MYO1E: variants seen among roughly 807,000 people sequenced by gnomAD.
The protein encoded by MYO1E is unconventional myosin-Ie.
In MYO1E, 68 loss-of-function variants were observed where a neutral mutation model predicts 151.1. The observed-to-expected ratio is 0.45, with a 90% CI of 0.37 to 0.55. The LOEUF (loss-of-function observed/expected upper bound fraction) is 0.55, where lower values mean the gene tolerates loss of function less well. Ranked by LOEUF, MYO1E falls within the 20% of genes least tolerant of loss-of-function variation. The pLI is 0.00. For missense variants in MYO1E, 1,363 were observed against 1,389.3 expected, an observed-to-expected ratio of 0.98 and a Z score of 0.30; for synonymous variants, 601 against 501.7, an observed-to-expected ratio of 1.20 and a Z score of -2.64.
At chr15:59,145,765 A>G (rs1028971356) in intron 26 of MYO1E, among the ~76,000 whole-genome samples, 11 of 152,234 alleles carry the variant, frequency 7.2e-5, no homozygotes, top group African/African-American at 2.7e-4. Context: ...ATACTATACA[A>G]TGGTGAGACT....
At chr15:59,363,095 C>T (rs1362490894) in intron 1 of MYO1E, among the ~76,000 whole-genome samples, 1 of 151,778 alleles carries the variant, frequency 6.6e-6, no homozygotes, top group Admixed American at 6.6e-5. Context: ...CCCACCTCAG[C>T]CTCCTGAGTA....
chr15:59,290,215 G>C (rs532672332), intron 1 of MYO1E, among the ~76,000 whole-genome samples: 1 of 152,154 alleles, frequency 6.6e-6, no homozygotes, highest in Non-Finnish European at 1.5e-5. Flanking sequence ...TTAAGGCTAC[G>C]GTAGAAGACA....
At chr15:59,183,573 T>G (rs1018666226) in intron 18 of MYO1E, among the ~76,000 whole-genome samples, 1 of 152,174 alleles carries the variant, frequency 6.6e-6, no homozygotes, top group East Asian at 1.9e-4. Flanking sequence ...TTTTTTTCTT[T>G]TTTACTTTTT....
intron 1 of MYO1E, among the ~76,000 whole-genome samples, chr15:59,311,278 T>C (rs2080549961): frequency 6.6e-6 from 1 of 151,950 alleles, no homozygotes; most frequent in South Asian, 2.1e-4. Flanking sequence ...CCGTTCCACC[T>C]CACATCATCA....
chr15:59,138,029 G>C (rs1176531483), intron 27 of MYO1E, among the ~76,000 whole-genome samples, 169 bp downstream of exon 27: 1 of 152,150 alleles, frequency 6.6e-6, no homozygotes, highest in Non-Finnish European at 1.5e-5. Context: ...GCTGAAAGAA[G>C]CATTAAAAAA....
At chr15:59,148,919 C>G (rs1288275805) in intron 26 of MYO1E, among the ~76,000 whole-genome samples, 2 of 151,986 alleles carry the variant, frequency 1.3e-5, no homozygotes, top group Non-Finnish European at 2.9e-5. Context: ...CATTTCCAGT[C>G]TGGGTTTTAA....
chr15:59,137,437 C>T lies in MYO1E; in HGVS notation c.3270G>A (p.Thr1090=), dbSNP rs1263178255. The part of the protein sequence containing the change: ...IIKEDPSGWW[T]GRLRGKQGLF... ...GGCCCTGCTTGCCTCGTAGTCGACC[C>T]GTCCACCAGCCAGAAGGATCTGCAG... Residue 1090 remains threonine (T), a synonymous_variant, in exon 28 of 28, where the codon ACG becomes ACA. Coordinates refer to ENST00000288235, the MANE Select transcript of MYO1E (RefSeq NM_004998.4). 3.3e-5 allele frequency: 54 copies of T among 1,613,964 alleles called. 1 individual carries two copies. Among genetic ancestry groups the T allele is most frequent in the Admixed American group, 6.7e-5 (4 of 60,008 alleles).
intron 1 of MYO1E, among the ~76,000 whole-genome samples, chr15:59,361,101 C>G (rs1457385986): frequency 1.3e-5 from 2 of 152,162 alleles, no homozygotes; most frequent in Non-Finnish European, 1.5e-5. Context: ...ACTGTTGTGA[C>G]AAGAGACACA....
In MYO1E at chr15:59,298,758, G is replaced by A. The variant is rs1377760580; in HGVS notation, c.4-26309C>T. ...AAAGGACAACATGAGTGAAAAGGAT[G>A]GAGTCCAATCATTCAGTTCAAAGAG... On this transcript the variant is annotated intron_variant, in intron 1 of 27. Transcript: ENST00000288235. 3.3e-5 allele frequency among the ~76,000 whole-genome samples: 5 copies of A among 152,184 alleles called. No individual in the cohort carries two copies. The East Asian group carries it at 9.6e-4, about 29-fold the overall frequency.
chr15:59,163,123 C>T (rs1313511014), intron 23 of MYO1E, 34 bp downstream of exon 23: 4 of 1,612,164 alleles, frequency 2.5e-6, no homozygotes, highest in Admixed American at 1.7e-5. Flanking sequence ...TTTTTAGCTA[C>T]ACGCAGAAGT....
chr15:59,284,315 C>T (rs754415111), intron 1 of MYO1E, among the ~76,000 whole-genome samples: 6 of 152,210 alleles, frequency 3.9e-5, no homozygotes, highest in Admixed American at 6.5e-5. Context: ...GTTTCCAAGG[C>T]GTTCCTATTT....
At position 59,218,060 on chromosome 15, in the gene MYO1E, C is replaced by A. The variant is rs745904531; in HGVS notation, c.938G>T (p.Gly313Val). Residue 313 changes from glycine to valine, a missense_variant, in exon 10 of 28, where the codon GGG (glycine) becomes GTG (valine). By Grantham distance (109) the Gly-to-Val change is moderately radical. Coordinates refer to ENST00000288235, the MANE Select transcript of MYO1E (RefSeq NM_004998.4). ...EFLAFPAYLL[G>V]INQDRLKEKL... Reference sequence around the variant, plus strand: ...TTCTTTCAACCGGTCCTGGTTTATCCCTAGCAGATATGCAGGAAAAGCTAA... The same window carrying A: ...TTCTTTCAACCGGTCCTGGTTTATCACTAGCAGATATGCAGGAAAAGCTAA... The A allele has an allele frequency of 2.5e-6, 4 of 1,614,168 alleles. No homozygotes were observed. The highest frequency in any genetic ancestry group is 1.1e-5 in the South Asian group (1 of 91,082).
At chr15:59,207,063 C>A in intron 14 of MYO1E, 1 of 1,614,190 alleles carries the variant, frequency 6.2e-7, no homozygotes, top group African/African-American at 1.3e-5. Flanking sequence ...TCAACGGCAC[C>A]TGGCTCTTCA....
rs771450726 is a variant in MYO1E at position 59,224,647 on chromosome 15, G to C, written c.777+42C>G. ...CCCTTTTGGCCACAGGAAATGGCCA[G>C]TTGGGAGAGCAGATCCTGCCTGGCC... On this transcript the variant is annotated intron_variant, in intron 8 of 27. Transcript: ENST00000288235. 5.0e-6 allele frequency: 8 copies of C among 1,613,620 alleles called. No individual in the cohort carries two copies. The African/African-American group carries it at 5.3e-5, about 11-fold the overall frequency.
At chr15:59,297,167 G>T (rs4486826) in intron 1 of MYO1E, among the ~76,000 whole-genome samples, 2 of 151,288 alleles carry the variant, frequency 1.3e-5, no homozygotes, top group East Asian at 3.9e-4. Context: ...ATTTAACATC[G>T]ATAGAATACT....
intron 9 of MYO1E, among the ~76,000 whole-genome samples, chr15:59,220,021 T>C (rs1490959197): frequency 6.6e-6 from 1 of 152,258 alleles, no homozygotes; most frequent in Non-Finnish European, 1.5e-5. Context: ...GTCGGGTTGT[T>C]GTGAGAATCA....
intron 7 of MYO1E, 51 bp from the exon 8 acceptor site, chr15:59,224,874 G>A (rs758801255): frequency 2.2e-5 from 36 of 1,613,036 alleles, no homozygotes; most frequent in Middle Eastern, 1.7e-4. Flanking sequence ...CAAGGCACCC[G>A]AAGTCACTCC....
chr15:59,275,950 C>A (rs961690560), intron 1 of MYO1E, among the ~76,000 whole-genome samples: 5 of 152,146 alleles, frequency 3.3e-5, no homozygotes, highest in African/African-American at 1.2e-4. Context: ...TGCACACAGC[C>A]GCTGAATGCC....
chr15:59,347,381 G>T (rs1454815114), intron 1 of MYO1E, among the ~76,000 whole-genome samples: 1 of 152,112 alleles, frequency 6.6e-6, no homozygotes, highest in Non-Finnish European at 1.5e-5. Flanking sequence ...CACGAAACCG[G>T]TCCCTGGTGC....
Sources: allele counts gnomAD v4.1 joint callset (sites outside exome capture counted in the v4.1 genomes callset), GRCh38; gene constraint gnomAD v4.1.1; transcripts MANE v1.5; gene names NCBI Gene and HGNC (gene_info 2026-07-23, HGNC 2026-07-21).